CNTN5: variants seen among roughly 807,000 people sequenced by gnomAD.
CNTN5 encodes contactin-5.
Under a neutral mutation model 129.1 loss-of-function variants are expected in CNTN5, and 77 were observed. That is an observed-to-expected ratio of 0.60 (90% CI 0.50 to 0.72). The LOEUF is 0.72. CNTN5 is among the 30% of genes least tolerant of loss of function. CNTN5 has a pLI of 0.00. For synonymous variants in CNTN5, 509 were observed against 465.6 expected, an observed-to-expected ratio of 1.09 and a Z score of -1.20; for missense variants, 1,478 against 1,328.8, an observed-to-expected ratio of 1.11 and a Z score of -1.75.
intron 2 of CNTN5, among the ~76,000 whole-genome samples, chr11:99,443,295 C>T (rs1943916701): frequency 6.6e-6 from 1 of 152,184 alleles, no homozygotes; most frequent in Non-Finnish European, 1.5e-5. Context: ...GAATGGTTAG[C>T]TCCTGCCCTT....
chr11:99,641,256 A>G (rs1790265), intron 3 of CNTN5, among the ~76,000 whole-genome samples: 91,376 of 151,992 alleles, frequency 0.6, 28,306 homozygotes, highest in Admixed American at 0.69. Context: ...TGCACACTGA[A>G]TTATCAGAAG....
chr11:100,351,023 A>G (rs1448554058), intron 24 of CNTN5, among the ~76,000 whole-genome samples, 153 bp downstream of exon 24: 2 of 151,714 alleles, frequency 1.3e-5, no homozygotes, highest in South Asian at 4.1e-4. Context: ...ATTAATATGA[A>G]CCATAGTAAT....
intron 2 of CNTN5, among the ~76,000 whole-genome samples, chr11:99,389,531 T>A (rs1435790260): frequency 6.6e-6 from 1 of 152,182 alleles, no homozygotes; most frequent in East Asian, 1.9e-4. Flanking sequence ...TTAACATAAA[T>A]GAATACTTTT....
intron 2 of CNTN5, among the ~76,000 whole-genome samples, chr11:99,445,222 A>G (rs1459934271): frequency 6.6e-6 from 1 of 151,074 alleles, no homozygotes; most frequent in Non-Finnish European, 1.5e-5. Flanking sequence ...TTGCATACAT[A>G]TATGTATGTA....
At chr11:99,336,911 A>T (rs749356849) in intron 2 of CNTN5, among the ~76,000 whole-genome samples, 25 of 152,292 alleles carry the variant, frequency 1.6e-4, no homozygotes, top group Non-Finnish European at 3.2e-4. Context: ...ACAGCATGAC[A>T]ATTCACAATA....
intron 1 of CNTN5, among the ~76,000 whole-genome samples, chr11:99,156,069 C>G (rs1250775543): frequency 1.3e-5 from 2 of 151,842 alleles, no homozygotes. Flanking sequence ...AAAACAATGC[C>G]TAGATACCTG....
chr11:100,008,485 C>A (rs1940326563), intron 9 of CNTN5, among the ~76,000 whole-genome samples: 1 of 152,040 alleles, frequency 6.6e-6, no homozygotes, highest in Non-Finnish European at 1.5e-5. Flanking sequence ...AACCTAGAAC[C>A]AAATGCAGGT....
intron 21 of CNTN5, among the ~76,000 whole-genome samples, chr11:100,320,852 AAATCAAT>A (rs1388039252): frequency 1.3e-5 from 2 of 152,158 alleles, no homozygotes; most frequent in Admixed American, 1.3e-4. Flanking sequence ...CCTTTGTCAA[AAATCAAT>A]TGATCATAAA....
chr11:99,671,544 G>C (rs1361634808), intron 3 of CNTN5, among the ~76,000 whole-genome samples: 1 of 152,034 alleles, frequency 6.6e-6, no homozygotes, highest in African/African-American at 2.4e-5. Flanking sequence ...CATGAAGACA[G>C]GAGTTAATAA....
chr11:99,267,920 G>GCGCGCACACA (rs905178705), intron 1 of CNTN5, among the ~76,000 whole-genome samples: 54 of 140,544 alleles, frequency 3.8e-4, no homozygotes, highest in East Asian at 8.3e-4. Context: ...ACACACACAC[G>GCGCGCACACA]CACACACACA....
chr11:99,840,230 G>A (rs888037177), intron 4 of CNTN5, among the ~76,000 whole-genome samples: 2 of 152,068 alleles, frequency 1.3e-5, no homozygotes, highest in Non-Finnish European at 2.9e-5. Context: ...TTTGATACCT[G>A]CCAAGTTGTC....
At chr11:99,988,374 A>G (rs1419314503) in intron 8 of CNTN5, among the ~76,000 whole-genome samples, 4 of 152,234 alleles carry the variant, frequency 2.6e-5, no homozygotes, top group Non-Finnish European at 4.4e-5. Flanking sequence ...TAATTCCTCC[A>G]GGATATTTTA....
chr11:99,916,451 A>G (rs1281394033), intron 7 of CNTN5, among the ~76,000 whole-genome samples: 1 of 152,172 alleles, frequency 6.6e-6, no homozygotes, highest in Non-Finnish European at 1.5e-5. Flanking sequence ...AAACTGAGAG[A>G]ATGAAAACTT....
intron 1 of CNTN5, among the ~76,000 whole-genome samples, chr11:99,022,149 G>A (rs1259005188): frequency 4.6e-5 from 7 of 151,964 alleles, no homozygotes; most frequent in Non-Finnish European, 1.0e-4. Flanking sequence ...TCATTCATTT[G>A]TTTCTTAATT....
chr11:99,738,861 GT>G (rs1943798991), intron 3 of CNTN5, among the ~76,000 whole-genome samples: 1 of 152,052 alleles, frequency 6.6e-6, no homozygotes, highest in African/African-American at 2.4e-5. Flanking sequence ...TATGTCAAAA[GT>G]TTTTTTCTAT....
chr11:99,045,797 T>G (rs1864180570), intron 1 of CNTN5, among the ~76,000 whole-genome samples: 1 of 152,158 alleles, frequency 6.6e-6, no homozygotes, highest in Non-Finnish European at 1.5e-5. Flanking sequence ...TAAAGAAATC[T>G]CACTGGGCAA....
chr11:99,152,880 A>G (rs1466638816), intron 1 of CNTN5, among the ~76,000 whole-genome samples: 1 of 152,138 alleles, frequency 6.6e-6, no homozygotes, highest in Non-Finnish European at 1.5e-5. Context: ...TGAAAAGGTC[A>G]TATTTATTTT....
intron 9 of CNTN5, among the ~76,000 whole-genome samples, chr11:100,045,227 T>G (rs1942605440): frequency 6.6e-6 from 1 of 152,142 alleles, no homozygotes; most frequent in Admixed American, 6.6e-5. Flanking sequence ...TTAAAATGGT[T>G]AGGCAGAAGC....
At chr11:100,081,579 G>T (rs1944366190) in intron 13 of CNTN5, among the ~76,000 whole-genome samples, 1 of 152,058 alleles carries the variant, frequency 6.6e-6, no homozygotes, top group Non-Finnish European at 1.5e-5. Flanking sequence ...CCAGCAATGG[G>T]GTGAGAGAGG....
Sources: allele counts gnomAD v4.1 joint callset (sites outside exome capture counted in the v4.1 genomes callset), GRCh38; gene constraint gnomAD v4.1.1; transcripts MANE v1.5; gene names NCBI Gene and HGNC (gene_info 2026-07-23, HGNC 2026-07-21).